ZBTB8A: variants seen among roughly 807,000 people sequenced by gnomAD.
ZBTB8A encodes the protein zinc finger and BTB domain containing 8A, also known as zinc finger and BTB domain-containing protein 8A.
ZBTB8A carries 19 observed loss-of-function variants against 37.8 expected under a neutral mutation model. That is an observed-to-expected ratio of 0.50 (90% confidence interval 0.35 to 0.74). ZBTB8A has a LOEUF of 0.74. ZBTB8A is among the 30% of genes least tolerant of loss of function. The pLI is 0.01. For missense variants in ZBTB8A, 394 were observed against 537.8 expected, an observed-to-expected ratio of 0.73 and a Z score of 2.65; for synonymous variants, 181 against 185.2, an observed-to-expected ratio of 0.98 and a Z score of 0.19.
Position 32,548,404 on chromosome 1 carries a change from G to A in ZBTB8A, c.-83-5055G>A, listed in dbSNP as rs937646766. ...GGCTGGAGTGGAGTGGTGCAATCTC[G>A]GCTCACTGCAACCACCGTCTCCAGG... On this transcript the variant is annotated intron_variant, in intron 1 of 4. Coordinates refer to ENST00000373510, the MANE Select transcript of ZBTB8A (RefSeq NM_001040441.3). Among the ~76,000 whole-genome samples, 12 of 151,760 alleles carry A rather than the reference G, an allele frequency of 7.9e-5. No homozygotes were observed. In the Middle Eastern group the frequency reaches 0.01, roughly 129 times the overall value.
chr1:32,579,923 C>T (rs1046664386), intron 2 of ZBTB8A, among the ~76,000 whole-genome samples: 3 of 152,172 alleles, frequency 2.0e-5, no homozygotes, highest in Admixed American at 1.3e-4. Context: ...GTATCACCTG[C>T]AGTAATAATA....
intron 2 of ZBTB8A, among the ~76,000 whole-genome samples, chr1:32,570,479 A>G (rs376896091): frequency 8.9e-4 from 135 of 152,338 alleles, no homozygotes; most frequent in African/African-American, 3.1e-3. Flanking sequence ...TTGGGATTAC[A>G]TTAATCCTGT....
At chr1:32,581,406 C>A (rs1440258023) in intron 2 of ZBTB8A, among the ~76,000 whole-genome samples, 1 of 145,896 alleles carries the variant, frequency 6.9e-6, no homozygotes, top group African/African-American at 2.6e-5. Context: ...GGCTGGAGTG[C>A]AATGGCAAGA....
chr1:32,549,725 G>A (rs1644135994), intron 1 of ZBTB8A, among the ~76,000 whole-genome samples: 1 of 152,136 alleles, frequency 6.6e-6, no homozygotes, highest in Admixed American at 6.6e-5. Flanking sequence ...ATGACAGAGT[G>A]AGACCCTGCC....
At chr1:32,557,270 C>T (rs995694003) in intron 2 of ZBTB8A, among the ~76,000 whole-genome samples, 5 of 152,098 alleles carry the variant, frequency 3.3e-5, no homozygotes, top group African/African-American at 1.2e-4. Flanking sequence ...CCATTGCACT[C>T]CAGCCTGGGC....
chr1:32,601,688 C>T lies in ZBTB8A; in HGVS notation c.*1269C>T. On this transcript the variant is annotated 3_prime_UTR_variant, in exon 5 of 5. Coordinates refer to ENST00000373510, the MANE Select transcript of ZBTB8A (RefSeq NM_001040441.3). ...GATCTGATTTTAAACAATCCTCTTT[C>T]AGCCTTCTCTCCCTGTATGTCTCCT... is the stretch of plus-strand genomic sequence containing the variant. 2.5e-6 allele frequency: 1 copy of T among 398,564 alleles called. No individual in the cohort carries two copies. Among genetic ancestry groups the T allele is most frequent in the Non-Finnish European group, 4.4e-6 (1 of 226,044 alleles). 24.7% of individuals were successfully genotyped at this position (398,564 alleles called of 1,614,324 possible). A position where few individuals can be genotyped will look rare whatever the true frequency, so the allele number is the denominator to read the frequency against.
chr1:32,579,640 T>C (rs2148239342), intron 2 of ZBTB8A, among the ~76,000 whole-genome samples: 1 of 152,246 alleles, frequency 6.6e-6, no homozygotes, highest in East Asian at 1.9e-4. Flanking sequence ...CACTGATCTC[T>C]GCTCCATTCA....
intron 2 of ZBTB8A, among the ~76,000 whole-genome samples, chr1:32,556,081 T>A (rs1323578505): frequency 6.6e-6 from 1 of 151,464 alleles, no homozygotes; most frequent in Non-Finnish European, 1.5e-5. Flanking sequence ...TTTATTTATT[T>A]ATTTTTTTCT....
At chr1:32,591,080 T>G (rs1644484551) in intron 2 of ZBTB8A, among the ~76,000 whole-genome samples, 1 of 143,980 alleles carries the variant, frequency 6.9e-6, no homozygotes, top group Non-Finnish European at 1.5e-5. Context: ...TTTTTTTTTT[T>G]GTATTTTTAG....
chr1:32,595,166 T>C lies in ZBTB8A; in HGVS notation c.936T>C (p.Cys312=). Residue 312 remains cysteine, a synonymous_variant, in exon 4 of 5, where the codon TGT becomes TGC. Transcript: ENST00000373510. ...ATACAGGAGAAAGGCCCTATCCATG[T>C]CAAGCTTGTGGAAAAAGATTTAGCA... is the stretch of plus-strand genomic sequence containing the variant. The part of the protein sequence containing the change: ...RCHTGERPYP[C]QACGKRFSRL... 6.2e-7 allele frequency: 1 copy of C among 1,614,222 alleles called. No homozygotes were observed. Among genetic ancestry groups the C allele is most frequent in the Non-Finnish European group, 8.5e-7 (1 of 1,180,032 alleles).
chr1:32,546,226 T>C (rs908329500), intron 1 of ZBTB8A, among the ~76,000 whole-genome samples: 2 of 152,066 alleles, frequency 1.3e-5, no homozygotes, highest in African/African-American at 4.8e-5. Flanking sequence ...GGCAGATCAC[T>C]TGAGGCCAGG....
At chr1:32,549,061 C>T (rs762634085) in intron 1 of ZBTB8A, among the ~76,000 whole-genome samples, 3 of 151,864 alleles carry the variant, frequency 2.0e-5, no homozygotes, top group African/African-American at 2.4e-5. Flanking sequence ...TATGGTGGCC[C>T]GCACCTGTAG....
chr1:32,570,880 CTT>C (rs531680570), intron 2 of ZBTB8A, among the ~76,000 whole-genome samples: 256 of 143,340 alleles, frequency 1.8e-3, no homozygotes, highest in African/African-American at 6.3e-3. Flanking sequence ...CCTGTTATTT[CTT>C]TTTTTTTTTT....
chr1:32,593,331 A>G lies in ZBTB8A; in HGVS notation c.400A>G (p.Ser134Gly). The G allele has an allele frequency of 6.2e-7, 1 of 1,614,198 alleles. No homozygotes were observed. Among genetic ancestry groups the G allele is most frequent in the Non-Finnish European group, 8.5e-7 (1 of 1,180,036 alleles). ...ISEKEKDRYF[S>G]LSDKDANSNG... ...TGAGAAAGAAAAAGATCGCTATTTC[A>G]GTCTCTCAGATAAAGATGCCAATTC... Residue 134 changes from serine to glycine, a missense_variant, in exon 3 of 5, where the codon AGT (serine) becomes GGT (glycine). Ser to Gly is a moderately conservative substitution (Grantham distance 56, BLOSUM62 0). Around this residue, in one of 4 missense-constraint regions of ZBTB8A, gnomAD observed 96 missense variants for 165.6 expected, o/e 0.58. Coordinates refer to ENST00000373510, the MANE Select transcript of ZBTB8A (RefSeq NM_001040441.3).
At chr1:32,598,246 T>C (rs937800533) in intron 4 of ZBTB8A, among the ~76,000 whole-genome samples, 2 of 142,714 alleles carry the variant, frequency 1.4e-5, no homozygotes, top group African/African-American at 5.3e-5. Context: ...TTTTTTTTTT[T>C]TTTTGAGATG....
chr1:32,559,159 T>C (rs1186389807), intron 2 of ZBTB8A, among the ~76,000 whole-genome samples: 1 of 152,210 alleles, frequency 6.6e-6, no homozygotes, highest in Non-Finnish European at 1.5e-5. Flanking sequence ...CCACCCAGGC[T>C]GGAGTGCAAT....
intron 2 of ZBTB8A, among the ~76,000 whole-genome samples, chr1:32,583,585 T>G (rs1014533606): frequency 4.6e-5 from 7 of 152,084 alleles, no homozygotes; most frequent in African/African-American, 1.7e-4. Flanking sequence ...TCCCCCAAAA[T>G]GATATGATTA....
chr1:32,569,851 G>C (rs1644312017), intron 2 of ZBTB8A, among the ~76,000 whole-genome samples: 1 of 149,876 alleles, frequency 6.7e-6, no homozygotes, highest in South Asian at 2.1e-4. Context: ...TTGAACTCCT[G>C]GTCTCAAGCA....
intron 1 of ZBTB8A, among the ~76,000 whole-genome samples, chr1:32,552,438 T>C (rs1358490555): frequency 6.6e-6 from 1 of 152,122 alleles, no homozygotes; most frequent in African/African-American, 2.4e-5. Flanking sequence ...GGCAGGAAGA[T>C]TGCCTGAGGT....
Sources: gnomAD v4.1 joint callset for allele counts (sites outside exome capture counted in the v4.1 genomes callset) on GRCh38, gnomAD v4.1.1 for gene constraint, gnomAD v4.1.1 regional missense constraint, MANE v1.5 for transcripts, NCBI Gene and HGNC (gene_info 2026-07-23, HGNC 2026-07-21) for gene names.